The following DCHS2 variants were observed in gnomAD, a reference collection of about 807,000 sequenced individuals.
The protein encoded by DCHS2 is protocadherin-23.
A neutral mutation model predicts 182.4 loss-of-function variants in DCHS2; 142 were observed. The observed-to-expected ratio is 0.78, with a 90% CI of 0.68 to 0.89. The LOEUF (loss-of-function observed/expected upper bound fraction) is 0.89, where lower values mean the gene tolerates loss of function less well. DCHS2 is among the 40% of genes least tolerant of loss of function. The probability of loss-of-function intolerance (pLI) is 0.00; values close to 1 mark genes in which losing one functional copy is unlikely to be tolerated. For synonymous variants in DCHS2, 1,740 were observed against 1,663.3 expected, an observed-to-expected ratio of 1.05 and a Z score of -1.12; for missense variants, 4,319 against 4,198.6, an observed-to-expected ratio of 1.03 and a Z score of -0.79.
rs1443803254 is a variant in DCHS2, at chr4:154,489,359, T to C, written c.1997A>G (p.Gln666Arg). 1 of 1,549,014 alleles carries C rather than the reference T, an allele frequency of 6.5e-7. No individual in the cohort carries two copies. The highest frequency in any genetic ancestry group is 8.7e-7 in the Non-Finnish European group (1 of 1,145,030). The stretch of plus-strand genomic sequence containing the variant: ...CTCTGCAATGGTGGCATTGTACACC[T>C]GCCTCCAGAAGATGGGCTCATTGTC... ...VNDNEPIFWRQVYNATIAEHA... is the reference protein window; with the variant it reads ...VNDNEPIFWRRVYNATIAEHA... Residue 666 changes from glutamine to arginine, a missense_variant, in exon 1 of 20, where the codon CAG (glutamine) becomes CGG (arginine). Gln to Arg is a conservative substitution (Grantham distance 43). Transcript: ENST00000357232.
intron 16 of DCHS2, among the ~76,000 whole-genome samples, chr4:154,250,270 C>G (rs1017855563): frequency 7.9e-5 from 12 of 152,066 alleles, no homozygotes; most frequent in African/African-American, 2.7e-4. Context: ...ATGACATTAT[C>G]TTTTTCTAGA....
chr4:154,238,265 G>A (rs1163988121), intron 19 of DCHS2, among the ~76,000 whole-genome samples: 4 of 152,128 alleles, frequency 2.6e-5, no homozygotes, highest in African/African-American at 9.7e-5. Context: ...GATACAGGAC[G>A]TACTTCTCCA....
chr4:154,255,213 T>G (rs1269544366), intron 16 of DCHS2, among the ~76,000 whole-genome samples: 2 of 152,202 alleles, frequency 1.3e-5, no homozygotes, highest in Non-Finnish European at 2.9e-5. Flanking sequence ...ATTAGACATC[T>G]CACAAACATT....
At chr4:154,438,509 A>AT (rs372316045) in intron 1 of DCHS2, among the ~76,000 whole-genome samples, 64 of 152,230 alleles carry the variant, frequency 4.2e-4, no homozygotes, top group African/African-American at 1.5e-3. Flanking sequence ...TCTCACCTAC[A>AT]TTTTTTGTTC....
chr4:154,260,970 T>G (rs1289203472), intron 14 of DCHS2, among the ~76,000 whole-genome samples: 4 of 152,148 alleles, frequency 2.6e-5, no homozygotes, highest in African/African-American at 9.7e-5. Flanking sequence ...TTTAACATAA[T>G]TTCCTTGTCT....
chr4:154,325,472 A>C (rs1736243801), intron 7 of DCHS2, among the ~76,000 whole-genome samples: 1 of 152,110 alleles, frequency 6.6e-6, no homozygotes, highest in Admixed American at 6.6e-5. Context: ...AACTGACCTC[A>C]TAGCCAGAGA....
intron 10 of DCHS2, among the ~76,000 whole-genome samples, chr4:154,310,541 G>T (rs1332036542): frequency 6.6e-6 from 1 of 152,178 alleles, no homozygotes; most frequent in African/African-American, 2.4e-5. Context: ...TTTCCCAAGA[G>T]ATCAGAGGAC....
At chr4:154,268,791 G>T (rs1278889979) in intron 14 of DCHS2, among the ~76,000 whole-genome samples, 2 of 152,040 alleles carry the variant, frequency 1.3e-5, no homozygotes, top group Admixed American at 6.6e-5. Flanking sequence ...AAAAAATAAA[G>T]ATGTTCCTGT....
At chr4:154,255,467 T>C in intron 16 of DCHS2, 52 bp downstream of exon 16, 3 of 1,561,178 alleles carry the variant, frequency 1.9e-6, no homozygotes, top group Non-Finnish European at 1.7e-6. Context: ...AGCAATGTTG[T>C]CAGTAAGCAG....
At chr4:154,480,192 C>A (rs574491210) in intron 1 of DCHS2, among the ~76,000 whole-genome samples, 1 of 152,258 alleles carries the variant, frequency 6.6e-6, no homozygotes, top group East Asian at 1.9e-4. Flanking sequence ...GAACATACAA[C>A]ATGAGGAGTT....
At chr4:154,308,104 A>G (rs1735522924) in intron 10 of DCHS2, among the ~76,000 whole-genome samples, 1 of 152,066 alleles carries the variant, frequency 6.6e-6, no homozygotes, top group Non-Finnish European at 1.5e-5. Flanking sequence ...TTTGAAAATC[A>G]TATTCAGTCT....
chr4:154,287,605 C>T (rs912891881), intron 13 of DCHS2, among the ~76,000 whole-genome samples: 2 of 152,032 alleles, frequency 1.3e-5, no homozygotes, highest in Non-Finnish European at 2.9e-5. Context: ...CTCTGCTTTC[C>T]AAGTAGCTGA....
intron 1 of DCHS2, among the ~76,000 whole-genome samples, chr4:154,421,731 A>T (rs1733122134): frequency 6.6e-6 from 1 of 152,234 alleles, no homozygotes; most frequent in African/African-American, 2.4e-5. Flanking sequence ...TGCTTTAAAA[A>T]ATAAAAACAC....
chr4:154,487,015 C>T (rs1444762867), intron 1 of DCHS2, among the ~76,000 whole-genome samples: 1 of 152,120 alleles, frequency 6.6e-6, no homozygotes, highest in African/African-American at 2.4e-5. Flanking sequence ...ATGGGATAAA[C>T]TCACACCTCA....
rs1449613454 is a variant in DCHS2, at chr4:154,491,324, C to A, written c.32G>T (p.Gly11Val). Residue 11 changes from glycine to valine, a missense_variant, in exon 1 of 20, where the codon GGG (glycine) becomes GTG (valine). Transcript: ENST00000357232. ...GACCGGAGCCCGCCGCTGCTGACGCCCTTCGCCCATCTTCCGCCCACAAGG... is the reference window on the plus strand; with the variant it reads ...GACCGGAGCCCGCCGCTGCTGACGCACTTCGCCCATCTTCCGCCCACAAGG... The part of the protein sequence containing the change: MSPCGRKMGE[G>V]RQQRRAPVGK... 2 of 1,545,180 alleles carry A rather than the reference C, an allele frequency of 1.3e-6. No homozygotes were observed. The highest frequency in any genetic ancestry group is 1.8e-6 in the Non-Finnish European group (2 of 1,142,840).
chr4:154,260,268 G>T (rs113721445), intron 14 of DCHS2, among the ~76,000 whole-genome samples: 1 of 152,078 alleles, frequency 6.6e-6, no homozygotes. Context: ...ATGTTTGCAG[G>T]TTCAAATATG....
intron 1 of DCHS2, among the ~76,000 whole-genome samples, chr4:154,402,270 C>T (rs573394512): frequency 6.6e-6 from 1 of 152,322 alleles, no homozygotes; most frequent in South Asian, 2.1e-4. Context: ...TCTGCACTCT[C>T]TTGATTAATA....
chr4:154,398,153 TCGCCATAAGGC>T (rs1732009858), intron 1 of DCHS2, among the ~76,000 whole-genome samples: 1 of 152,380 alleles, frequency 6.6e-6, no homozygotes, highest in South Asian at 2.1e-4. Flanking sequence ...GAAATCTATG[TCGCCATAAGGC>T]CTTACACTAT....
chr4:154,384,922 T>G (rs1731335031), intron 1 of DCHS2, among the ~76,000 whole-genome samples: 1 of 152,076 alleles, frequency 6.6e-6, no homozygotes, highest in Non-Finnish European at 1.5e-5. Context: ...GTTTTTTATT[T>G]TTATTTTTAT....
Sources: allele counts gnomAD v4.1 joint callset (sites outside exome capture counted in the v4.1 genomes callset), GRCh38; gene constraint gnomAD v4.1.1; transcripts MANE v1.5; gene names NCBI Gene and HGNC (gene_info 2026-07-23, HGNC 2026-07-21).